The following KIAA0825 variants were observed in gnomAD, a reference collection of about 807,000 sequenced individuals.
The protein encoded by KIAA0825 is uncharacterized protein KIAA0825.
KIAA0825 carries 119 observed loss-of-function variants against 147.6 expected under a neutral mutation model. The ratio of observed to expected loss-of-function variants is 0.81; its 90% CI spans 0.69 to 0.94. The LOEUF is 0.94. KIAA0825 is among the 40% of genes least tolerant of loss of function. The pLI, the probability that KIAA0825 is intolerant of heterozygous loss-of-function variation, is 0.00. For missense variants in KIAA0825, 1,381 were observed against 1,472.7 expected, an observed-to-expected ratio of 0.94 and a Z score of 1.02; for synonymous variants, 470 against 518.1, an observed-to-expected ratio of 0.91 and a Z score of 1.26.
chr5:94,368,149 G>A lies in KIAA0825; in HGVS notation c.3710+16219C>T, dbSNP rs1347455465. ...GAAAAGAGCTGAGTCAGCATGGTGG[G>A]ATGAGATTATAAATATACTATTTCT... is the stretch of plus-strand genomic sequence containing the variant. On this transcript the variant is annotated intron_variant, in intron 20 of 20. Transcript: ENST00000682413. Among the ~76,000 whole-genome samples, 3 of 152,264 alleles carry A rather than the reference G, an allele frequency of 2.0e-5. No individual in the cohort carries two copies. The East Asian group carries it at 5.8e-4, about 29-fold the overall frequency.
At chr5:94,545,867 T>C (rs958316734) in intron 2 of KIAA0825, among the ~76,000 whole-genome samples, 3 of 152,154 alleles carry the variant, frequency 2.0e-5, no homozygotes, top group African/African-American at 4.8e-5. Context: ...GCTCTTTAGG[T>C]ATGAGCTCAG....
intron 1 of KIAA0825, chr5:94,594,938 G>A (rs558066258): frequency 8.2e-5 from 23 of 279,228 alleles, no homozygotes; most frequent in Non-Finnish European, 1.4e-4. Context: ...TCACATCCAA[G>A]GCATGCTGAT....
At chr5:94,372,278 T>A (rs1395969220) in intron 20 of KIAA0825, among the ~76,000 whole-genome samples, 1 of 152,226 alleles carries the variant, frequency 6.6e-6, no homozygotes, top group Non-Finnish European at 1.5e-5. Flanking sequence ...ATAGTGGCCC[T>A]CTTCTCACAG....
chr5:94,249,185 A>C (rs191689506), intron 20 of KIAA0825, among the ~76,000 whole-genome samples: 7 of 152,228 alleles, frequency 4.6e-5, no homozygotes, highest in Admixed American at 3.9e-4. Flanking sequence ...ACTTTGAGGA[A>C]TTTATCTTCT....
rs941091322 is a variant in KIAA0825, at chr5:94,434,904, A to G, written c.2497+5078T>C. ...ATTGTTACAATGGCAATTAAATTTC[A>G]ACATGAGGTTTGAAGGAGACATTCA... is the stretch of plus-strand genomic sequence containing the variant. On this transcript the variant is annotated intron_variant, in intron 14 of 20. Coordinates refer to ENST00000682413, the MANE Select transcript of KIAA0825 (RefSeq NM_001145678.3). Among the ~76,000 whole-genome samples the G allele has an allele frequency of 3.9e-5, 6 of 152,206 alleles. 1 individual carries two copies. The highest frequency in any genetic ancestry group is 2.0e-4 in the Admixed American group (3 of 15,276).
chr5:94,386,027 A>G (rs557840266), intron 19 of KIAA0825, among the ~76,000 whole-genome samples: 3 of 152,322 alleles, frequency 2.0e-5, no homozygotes, highest in Admixed American at 6.5e-5. Flanking sequence ...CCAAAAGTTA[A>G]GTTTTACAGA....
intron 15 of KIAA0825, 46 bp from the exon 16 acceptor site, chr5:94,403,839 C>A (rs758789450): frequency 6.8e-7 from 1 of 1,470,168 alleles, no homozygotes; most frequent in Admixed American, 2.0e-5. Flanking sequence ...CCTAGCAAAT[C>A]AGTTGTGCCT....
At chr5:94,392,291 T>C (rs1023617846) in intron 17 of KIAA0825, among the ~76,000 whole-genome samples, 2 of 152,204 alleles carry the variant, frequency 1.3e-5, no homozygotes, top group Non-Finnish European at 2.9e-5. Flanking sequence ...CTCCTGTTTC[T>C]TTCTGTAACA....
intron 20 of KIAA0825, among the ~76,000 whole-genome samples, chr5:94,183,652 A>G (rs1455205865): frequency 2.6e-5 from 4 of 152,136 alleles, no homozygotes; most frequent in African/African-American, 4.8e-5. Flanking sequence ...TATGTGATGA[A>G]ACCTCTATAA....
intron 3 of KIAA0825, among the ~76,000 whole-genome samples, chr5:94,534,752 AAT>A (rs1771620958): frequency 6.6e-6 from 1 of 152,188 alleles, no homozygotes; most frequent in Admixed American, 6.5e-5. Context: ...AAAAATAAGC[AAT>A]CCAGAACAAA....
chr5:94,616,520 C>A (rs1406097145), intron 1 of KIAA0825, among the ~76,000 whole-genome samples: 1 of 151,964 alleles, frequency 6.6e-6, no homozygotes. Flanking sequence ...TTTACTCATT[C>A]TTTCTCCCTA....
At chr5:94,452,496 C>G (rs550467883) in intron 13 of KIAA0825, among the ~76,000 whole-genome samples, 1 of 152,298 alleles carries the variant, frequency 6.6e-6, no homozygotes, top group South Asian at 2.1e-4. Context: ...ACTCTGGAAG[C>G]ACATTTCATA....
chr5:94,391,538 A>G lies in KIAA0825; in HGVS notation c.3453T>C (p.Asn1151=). ...GATAAAAAGGCCGTTTCCCTACCTCATTGAGCTGCATGATGTGATAAATTT... is the reference window on the plus strand; with the variant it reads ...GATAAAAAGGCCGTTTCCCTACCTCGTTGAGCTGCATGATGTGATAAATTT... ...LRQIYHIMQL[N]EEYLKEQLFS... The change falls in exon 18 of 21, where the codon AAT becomes AAC. Residue 1151 remains asparagine (N), a synonymous_variant. Transcript: ENST00000682413. 1 of 1,549,658 alleles carries G rather than the reference A, an allele frequency of 6.5e-7. No individual in the cohort carries two copies. Among genetic ancestry groups the G allele is most frequent in the Non-Finnish European group, 8.7e-7 (1 of 1,145,138 alleles).
At chr5:94,401,243 C>CTT (rs35458877) in intron 16 of KIAA0825, among the ~76,000 whole-genome samples, 40 of 144,344 alleles carry the variant, frequency 2.8e-4, no homozygotes, top group Non-Finnish European at 5.0e-4. Flanking sequence ...CCCCACAATT[C>CTT]TTTTTTTTTT....
Position 94,405,936 on chromosome 5 carries a change from A to T in KIAA0825, c.2663-2143T>A, listed in dbSNP as rs542548053. 3.1e-3 allele frequency among the ~76,000 whole-genome samples: 463 copies of T among 150,002 alleles called. 1 individual carries two copies. Among genetic ancestry groups the T allele is most frequent in the African/African-American group, 9.5e-3 (388 of 40,872 alleles). ...TATTTATTTATTTATTTTTATTTTT[A>T]TTTTTTTTTGAGATGGAGTCTAGCT... On this transcript the variant is annotated intron_variant, in intron 15 of 20. Coordinates refer to ENST00000682413, the MANE Select transcript of KIAA0825 (RefSeq NM_001145678.3).
Position 94,386,283 on chromosome 5 carries a change from TG to T in KIAA0825, c.3577del (p.His1193MetfsTer11). On this transcript the variant is annotated frameshift_variant, in exon 19 of 21. Coordinates refer to ENST00000682413, the MANE Select transcript of KIAA0825 (RefSeq NM_001145678.3). LOFTEE classifies it high-confidence loss of function. ...EDQPSAFNPFHVYKAFSENML... is the reference protein window; with the variant it reads ...EDQPSAFNPFXVYKAFSENML... Reference sequence around the variant, plus strand: ...GTTTTCACTAAACGCCTTATACACATGGAAAGGGTTAAAGGCAGAAGGCTGA... The same window carrying T: ...GTTTTCACTAAACGCCTTATACACATGAAAGGGTTAAAGGCAGAAGGCTGA... 6.4e-7 allele frequency: 1 copy of T among 1,551,378 alleles called. No homozygotes were observed. Among genetic ancestry groups the T allele is most frequent in the African/African-American group, 1.4e-5 (1 of 73,136 alleles).
chr5:94,416,553 T>A (rs556341279), intron 15 of KIAA0825: 2 of 152,268 alleles, frequency 1.3e-5, no homozygotes, highest in African/African-American at 4.8e-5. Context: ...AATATGAAAA[T>A]TTAAAGGCAG....
intron 20 of KIAA0825, among the ~76,000 whole-genome samples, chr5:94,319,590 TG>T (rs1779972057): frequency 6.6e-6 from 1 of 151,966 alleles, no homozygotes; most frequent in Non-Finnish European, 1.5e-5. Flanking sequence ...TGCTCAGGCC[TG>T]GGAGACATCC....
At chr5:94,604,744 A>G (rs1787171914) in intron 1 of KIAA0825, among the ~76,000 whole-genome samples, 1 of 152,192 alleles carries the variant, frequency 6.6e-6, no homozygotes, top group Non-Finnish European at 1.5e-5. Flanking sequence ...CACAGTTAAG[A>G]CAGTGTTAAG....
Sources: allele counts gnomAD v4.1 joint callset (sites outside exome capture counted in the v4.1 genomes callset), GRCh38; gene constraint gnomAD v4.1.1; transcripts MANE v1.5; gene names NCBI Gene and HGNC (gene_info 2026-07-23, HGNC 2026-07-21).